The following AP3B1 variants were observed in gnomAD, a reference collection of about 807,000 sequenced individuals.
The protein encoded by AP3B1 is AP-3 complex subunit beta-1.
AP3B1 carries 61 observed loss-of-function variants against 132.5 expected under a neutral mutation model. The ratio of observed to expected loss-of-function variants is 0.46; its 90% CI spans 0.37 to 0.57. AP3B1 has a LOEUF of 0.57. Ranked by LOEUF, AP3B1 falls within the 20% of genes least tolerant of loss-of-function variation. AP3B1 has a pLI of 0.00. For missense variants in AP3B1, 1,120 were observed against 1,289.4 expected, an observed-to-expected ratio of 0.87 and a Z score of 2.01; for synonymous variants, 388 against 438.3, an observed-to-expected ratio of 0.89 and a Z score of 1.43.
At chr5:78,270,448 C>T (rs181099001) in intron 1 of AP3B1, among the ~76,000 whole-genome samples, 5 of 152,116 alleles carry the variant, frequency 3.3e-5, no homozygotes, top group East Asian at 3.9e-4. Context: ...TAAGGAATAG[C>T]AATTTCCAAT....
chr5:78,112,469 G>T (rs1751636601), intron 19 of AP3B1, among the ~76,000 whole-genome samples: 2 of 152,100 alleles, frequency 1.3e-5, no homozygotes, highest in Non-Finnish European at 2.9e-5. Context: ...CTGAAGAAAA[G>T]AATAATAAAC....
At chr5:78,066,190 A>T (rs1179842560) in intron 22 of AP3B1, among the ~76,000 whole-genome samples, 1 of 151,574 alleles carries the variant, frequency 6.6e-6, no homozygotes, top group Non-Finnish European at 1.5e-5. Flanking sequence ...ATTGGAGGTA[A>T]AGTCACAAAG....
intron 7 of AP3B1, among the ~76,000 whole-genome samples, chr5:78,186,218 A>G (rs1337885804): frequency 6.6e-6 from 1 of 152,212 alleles, no homozygotes; most frequent in East Asian, 1.9e-4. Context: ...GCATGCTAAT[A>G]TTAATCAAGG....
chr5:78,188,348 A>G lies in AP3B1; in HGVS notation c.787-6686T>C, dbSNP rs183692684. ...TAATCTGTCCATCTGACAAAGGGCTAATATCCAGAACCTACAAGAAACTTA... is the reference window on the plus strand; with the variant it reads ...TAATCTGTCCATCTGACAAAGGGCTGATATCCAGAACCTACAAGAAACTTA... On this transcript the variant is annotated intron_variant, in intron 7 of 26. Transcript: ENST00000255194. Among the ~76,000 whole-genome samples, 706 of 152,320 alleles carry G rather than the reference A, an allele frequency of 4.6e-3. 6 individuals are homozygous for G. Among genetic ancestry groups the G allele is most frequent in the Non-Finnish European group, 8.4e-3 (572 of 68,026 alleles).
At chr5:78,169,702 A>C in intron 11 of AP3B1, among the ~76,000 whole-genome samples, 1 of 151,992 alleles carries the variant, frequency 6.6e-6, no homozygotes, top group Admixed American at 6.6e-5. Context: ...TGCTAGCAAT[A>C]CAGGCATGAG....
chr5:78,098,004 C>G (rs1016932561), intron 21 of AP3B1, among the ~76,000 whole-genome samples: 3 of 152,264 alleles, frequency 2.0e-5, no homozygotes, highest in East Asian at 3.9e-4. Context: ...CTCTCTGAAA[C>G]ATGTGCTGTG....
At chr5:78,004,733 G>T (rs377408660) in intron 26 of AP3B1, among the ~76,000 whole-genome samples, 1 of 152,202 alleles carries the variant, frequency 6.6e-6, no homozygotes, top group Admixed American at 6.5e-5. Flanking sequence ...GCATTTGCTT[G>T]TGCACTCTAC....
rs768768104 is a variant in AP3B1, at chr5:78,116,230, T to C, written c.1973A>G (p.Lys658Arg). 1 of 1,611,734 alleles carries C rather than the reference T, an allele frequency of 6.2e-7. No individual in the cohort carries two copies. Among genetic ancestry groups the C allele is most frequent in the South Asian group, 1.1e-5 (1 of 91,054 alleles). The change falls in exon 18 of 27, where the codon AAA (lysine) becomes AGA (arginine). Residue 658 changes from lysine (K) to arginine (R), a missense_variant. Transcript: ENST00000255194. ...VRNVEVIELA[K>R]EWTPAGKAKQ... ...TGCTTTTCCTGCTGGGGTCCATTCT[T>C]TTGCCTGTTTAAACAAATAAAGTAA... is the stretch of plus-strand genomic sequence containing the variant.
chr5:78,225,290 C>T (rs1259691795), intron 6 of AP3B1, among the ~76,000 whole-genome samples: 1 of 152,058 alleles, frequency 6.6e-6, no homozygotes, highest in African/African-American at 2.4e-5. Context: ...CACTTAGCCA[C>T]AGGTTAAAGA....
rs183734522 is a variant in AP3B1, at chr5:78,161,808, A to G, written c.1363+1011T>C. Among the ~76,000 whole-genome samples the G allele has an allele frequency of 1.2e-3, 183 of 152,116 alleles. 2 individuals are homozygous for G. Among genetic ancestry groups the G allele is most frequent in the East Asian group, 4.6e-3 (24 of 5,192 alleles). ...AAAAATCAATGTTATCTGGGAATAA[A>G]TTTTGTTCCAATTTTTTTCATCAGA... On this transcript the variant is annotated intron_variant, in intron 13 of 26. Coordinates refer to ENST00000255194, the MANE Select transcript of AP3B1 (RefSeq NM_003664.5).
In AP3B1 at chr5:78,114,070, C is replaced by G; in HGVS notation, c.2078-147G>C. On this transcript the variant is annotated intron_variant, in intron 18 of 26. Transcript: ENST00000255194. ...ACTTGTTTAACATTTTATTCCCACACCCCATTCTTTCAGCTCTATGGATTC... is the reference window on the plus strand; with the variant it reads ...ACTTGTTTAACATTTTATTCCCACAGCCCATTCTTTCAGCTCTATGGATTC... 11 of 893,658 alleles carry G rather than the reference C, an allele frequency of 1.2e-5. No individual in the cohort carries two copies. The South Asian group carries it at 1.6e-4, about 13-fold the overall frequency. 55.4% of individuals were successfully genotyped at this position (893,658 alleles called of 1,614,324 possible).
intron 1 of AP3B1, among the ~76,000 whole-genome samples, chr5:78,276,239 T>C (rs1289122741): frequency 1.3e-5 from 2 of 152,024 alleles, no homozygotes; most frequent in East Asian, 3.9e-4. Flanking sequence ...CTAATGTTTT[T>C]TTATTTTTTG....
At chr5:78,080,936 G>C (rs546463356) in intron 22 of AP3B1, among the ~76,000 whole-genome samples, 1 of 152,296 alleles carries the variant, frequency 6.6e-6, no homozygotes, top group South Asian at 2.1e-4. Context: ...ATACACCTGT[G>C]AGCAGACCTG....
chr5:78,267,692 G>A lies in AP3B1; in HGVS notation c.129-97C>T, dbSNP rs1026323342. 10 of 757,352 alleles carry A rather than the reference G, an allele frequency of 1.3e-5. No individual in the cohort carries two copies. The African/African-American group carries it at 1.4e-4, about 11-fold the overall frequency. 46.9% of individuals were successfully genotyped at this position (757,352 alleles called of 1,614,324 possible). The stretch of plus-strand genomic sequence containing the variant: ...CATAAGAATTAGAAGTAATATCATG[G>A]GCAATGTTAAATAACTGCAGCAAGA... On this transcript the variant is annotated intron_variant, in intron 1 of 26. Transcript: ENST00000255194.
At chr5:78,067,618 C>T (rs1476127707) in intron 22 of AP3B1, among the ~76,000 whole-genome samples, 3 of 152,156 alleles carry the variant, frequency 2.0e-5, no homozygotes, top group South Asian at 2.1e-4. Flanking sequence ...GAAATTCACT[C>T]GAAACCACAC....
In AP3B1 at chr5:78,105,500, C is replaced by T. The variant is rs75206658; in HGVS notation, c.2398-4475G>A. 7.4e-3 allele frequency among the ~76,000 whole-genome samples: 1,133 copies of T among 152,158 alleles called. 8 individuals are homozygous for T. The highest frequency in any genetic ancestry group is 0.044 in the Middle Eastern group (13 of 294). On this transcript the variant is annotated intron_variant, in intron 20 of 26. Coordinates refer to ENST00000255194, the MANE Select transcript of AP3B1 (RefSeq NM_003664.5). Reference sequence around the variant, plus strand: ...AAAGTGATATAAATGTGAATCTCTTCCTGACACAATGTGGTCTACATCACT... The same window carrying T: ...AAAGTGATATAAATGTGAATCTCTTTCTGACACAATGTGGTCTACATCACT...
intron 2 of AP3B1, among the ~76,000 whole-genome samples, chr5:78,251,723 G>A (rs1162654114): frequency 1.3e-5 from 2 of 152,222 alleles, no homozygotes; most frequent in Admixed American, 1.3e-4. Flanking sequence ...CTACAGCACT[G>A]TGTGTCTCCA....
chr5:78,068,182 G>A (rs1005254265), intron 22 of AP3B1, among the ~76,000 whole-genome samples: 1 of 152,074 alleles, frequency 6.6e-6, no homozygotes, highest in African/African-American at 2.4e-5. Flanking sequence ...AAATTAGCTG[G>A]GCATGGTGGC....
At chr5:78,151,467 A>T (rs1227925684) in intron 14 of AP3B1, among the ~76,000 whole-genome samples, 1 of 152,106 alleles carries the variant, frequency 6.6e-6, no homozygotes, top group Non-Finnish European at 1.5e-5. Flanking sequence ...GATTTTCCCC[A>T]TTCAGTATGA....
Sources: gnomAD v4.1 joint callset for allele counts (sites outside exome capture counted in the v4.1 genomes callset) on GRCh38, gnomAD v4.1.1 for gene constraint, MANE v1.5 for transcripts, NCBI Gene and HGNC (gene_info 2026-07-23, HGNC 2026-07-21) for gene names.